Variants in NUP153 observed in about 807,000 individuals in gnomAD.
NUP153 encodes the protein nucleoporin 153.
In NUP153, 27 loss-of-function variants were observed where a neutral mutation model predicts 134.6. The ratio of observed to expected loss-of-function variants is 0.20; its 90% CI spans 0.15 to 0.28. The LOEUF is 0.28. Among genes scored for constraint, NUP153 ranks in the 10% least tolerant of loss-of-function variants. The pLI, the probability that NUP153 is intolerant of heterozygous loss-of-function variation, is 1.00. For missense variants in NUP153, 1,821 were observed against 1,731.3 expected (o/e 1.05, Z -0.92); for synonymous variants, 640 against 623.5 (o/e 1.03, Z -0.40).
At chr6:17,670,025 G>A (rs1767795903) in intron 5 of NUP153, among the ~76,000 whole-genome samples, 2 of 149,486 alleles carry the variant, frequency 1.3e-5, no homozygotes, top group African/African-American at 4.9e-5. Flanking sequence ...GAACCCAGGA[G>A]GCGGAGGTTG....
chr6:17,626,679 T>C (rs1347020459), intron 18 of NUP153, among the ~76,000 whole-genome samples: 3 of 152,238 alleles, frequency 2.0e-5, no homozygotes, highest in Admixed American at 2.0e-4. Flanking sequence ...TCTACTGTTA[T>C]CACTAGACTG....
At chr6:17,649,636 G>C (rs2113800108) in intron 11 of NUP153, among the ~76,000 whole-genome samples, 1 of 152,230 alleles carries the variant, frequency 6.6e-6, no homozygotes, top group African/African-American at 2.4e-5. Flanking sequence ...TCAATTTCCA[G>C]TTTCCCTGAC....
At chr6:17,637,041 A>AT in intron 16 of NUP153, 112 bp downstream of exon 16, 4 of 1,061,320 alleles carry the variant, frequency 3.8e-6, no homozygotes, top group Non-Finnish European at 5.4e-6. Context: ...AGAAAAATTA[A>AT]TATGTATGAG....
intron 16 of NUP153, among the ~76,000 whole-genome samples, chr6:17,633,201 A>T (rs1323134992): frequency 1.3e-5 from 2 of 152,224 alleles, no homozygotes; most frequent in Non-Finnish European, 2.9e-5. Context: ...TTTTCTTAAG[A>T]ATCTTTTTCA....
chr6:17,659,376 A>G (rs1473542940), intron 11 of NUP153, among the ~76,000 whole-genome samples: 2 of 152,244 alleles, frequency 1.3e-5, no homozygotes, highest in African/African-American at 4.8e-5. Flanking sequence ...CTAGTTAAAT[A>G]ATGATTTAAA....
intron 5 of NUP153, among the ~76,000 whole-genome samples, chr6:17,670,492 A>G (rs1043122459): frequency 1.3e-5 from 2 of 152,206 alleles, no homozygotes; most frequent in East Asian, 1.9e-4. Context: ...CAGTAAAAAT[A>G]TTACAGGAAT....
chr6:17,661,031 C>G (rs1178312763), intron 11 of NUP153, among the ~76,000 whole-genome samples: 1 of 151,946 alleles, frequency 6.6e-6, no homozygotes, highest in Admixed American at 6.6e-5. Context: ...AAGAAGAAGA[C>G]AGGCAGGGCA....
chr6:17,690,245 G>A (rs185284873), intron 1 of NUP153, among the ~76,000 whole-genome samples: 387 of 117,518 alleles, frequency 3.3e-3, no homozygotes, highest in African/African-American at 8.8e-3. Flanking sequence ...CCAGCTACTC[G>A]GGAGGCTGAG....
At chr6:17,704,015 G>A (rs1236415480) in intron 1 of NUP153, among the ~76,000 whole-genome samples, 2 of 152,192 alleles carry the variant, frequency 1.3e-5, no homozygotes, top group Non-Finnish European at 2.9e-5. Flanking sequence ...ATCAGGGGCC[G>A]GGCGCGGTGG....
Position 17,675,693 on chromosome 6 carries a change from A to C in NUP153, c.412T>G (p.Phe138Val). Residue 138 changes from phenylalanine to valine, a missense_variant, in exon 3 of 22, where the codon TTT (phenylalanine) becomes GTT (valine). Transcript: ENST00000262077. The surrounding 1 kb of genome is among the most constrained non-coding windows in gnomAD (Gnocchi z 4.4). Reference sequence around the variant, plus strand: ...AATGCAGGGGATTCCAACATGGAAAAATTCAGATGGCTCCGATGAAGAGAA... The same window carrying C: ...AATGCAGGGGATTCCAACATGGAAACATTCAGATGGCTCCGATGAAGAGAA... ...RPSLHRSHLN[F>V]SMLESPALHC... 6.2e-7 allele frequency: 1 copy of C among 1,614,180 alleles called. No individual in the cohort carries two copies. The highest frequency in any genetic ancestry group is 8.5e-7 in the Non-Finnish European group (1 of 1,180,022).
At chr6:17,666,576 C>T (rs2113822847) in intron 8 of NUP153, among the ~76,000 whole-genome samples, 1 of 152,250 alleles carries the variant, frequency 6.6e-6, no homozygotes, top group East Asian at 1.9e-4. Context: ...GACCGAATCC[C>T]TCTCCAAGTT....
At chr6:17,670,129 C>T (rs914594677) in intron 5 of NUP153, among the ~76,000 whole-genome samples, 9 of 147,924 alleles carry the variant, frequency 6.1e-5, no homozygotes, top group Non-Finnish European at 1.2e-4. Flanking sequence ...AAGTACTACA[C>T]GCTAGCTTAA....
intron 11 of NUP153, among the ~76,000 whole-genome samples, chr6:17,649,725 T>G (rs1766406646): frequency 6.6e-6 from 1 of 152,250 alleles, no homozygotes; most frequent in Admixed American, 6.5e-5. Flanking sequence ...CATATAACCT[T>G]TATTACATTA....
chr6:17,658,241 C>T (rs1461361875), intron 11 of NUP153, among the ~76,000 whole-genome samples: 2 of 152,086 alleles, frequency 1.3e-5, no homozygotes, highest in Non-Finnish European at 1.5e-5. Flanking sequence ...GCTAAAAATA[C>T]AAAAAATTAG....
In NUP153 at chr6:17,680,439, A is replaced by C. The variant is rs564702655; in HGVS notation, c.335-4669T>G. ...TGAACCCTTATCTTGAACCATATAC[A>C]AAAATTAACTCTAAATGGATTAAAG... On this transcript the variant is annotated intron_variant, in intron 2 of 21. Transcript: ENST00000262077. This position sits in a 1 kb window ranked among gnomAD's most constrained non-coding sequence, Gnocchi z 4.5. Among the ~76,000 whole-genome samples, 4 of 152,322 alleles carry C rather than the reference A, an allele frequency of 2.6e-5. No homozygotes were observed. Among genetic ancestry groups the C allele is most frequent in the South Asian group, 2.1e-4 (1 of 4,832 alleles).
Position 17,674,886 on chromosome 6 carries a change from C to A in NUP153, c.852+19G>T. Reference sequence around the variant, plus strand: ...AAAAAAGAAAAAAAAAGATCATCAACCCTTCTATTGGAACCTACCTGATAA... The same window carrying A: ...AAAAAAGAAAAAAAAAGATCATCAAACCTTCTATTGGAACCTACCTGATAA... On this transcript the variant is annotated intron_variant, in intron 5 of 21. Transcript: ENST00000262077. 3 of 1,511,214 alleles carry A rather than the reference C, an allele frequency of 2.0e-6. No individual in the cohort carries two copies. Among genetic ancestry groups the A allele is most frequent in the South Asian group, 2.8e-5 (2 of 72,722 alleles). The allele number at this position is 1,511,214 out of a possible 1,614,324, so 93.6% of individuals were successfully genotyped here.
intron 8 of NUP153, among the ~76,000 whole-genome samples, chr6:17,667,988 A>T (rs1451674669): frequency 1.3e-5 from 2 of 151,930 alleles, no homozygotes; most frequent in East Asian, 3.9e-4. Flanking sequence ...TCTACTACAC[A>T]CAATAGATTT....
rs536347692 is a variant in NUP153 at position 17,651,235 on chromosome 6, C to T, written c.1396-1935G>A. On this transcript the variant is annotated intron_variant, in intron 11 of 21. Coordinates refer to ENST00000262077, the MANE Select transcript of NUP153 (RefSeq NM_005124.4). ...GGAGAATGGCCTGAGTCCAGGAGTT[C>T]GAGGCTGTAGTGGGCCATGACTGTG... Among the ~76,000 whole-genome samples the T allele has an allele frequency of 3.0e-4, 45 of 152,030 alleles. No homozygotes were observed. The East Asian group carries it at 8.3e-3, about 28-fold the overall frequency.
chr6:17,615,944 C>G lies in NUP153; in HGVS notation c.*153G>C. 1.9e-6 allele frequency: 1 copy of G among 534,332 alleles called. No individual in the cohort carries two copies. 33.1% of individuals were successfully genotyped at this position (534,332 alleles called of 1,614,324 possible). A position where few individuals can be genotyped will look rare whatever the true frequency, so the allele number is the denominator to read the frequency against. The stretch of plus-strand genomic sequence containing the variant: ...AAAGGGTGGGTGAGGCAGGGTGGGG[C>G]TTCTGTAACGAAAGAGAAAGGAGGA... On this transcript the variant is annotated 3_prime_UTR_variant, in exon 22 of 22. Transcript: ENST00000262077. The surrounding 1 kb of genome is among the most constrained non-coding windows in gnomAD (Gnocchi z 5.7).
Sources: gnomAD v4.1 joint callset for allele counts (sites outside exome capture counted in the v4.1 genomes callset) on GRCh38, gnomAD v4.1.1 for gene constraint, Gnocchi (gnomAD v3.1) non-coding constraint, MANE v1.5 for transcripts, NCBI Gene and HGNC (gene_info 2026-07-23, HGNC 2026-07-21) for gene names.